The following BCAS3 variants were observed in gnomAD, a reference collection of about 807,000 sequenced individuals.
BCAS3 encodes BCAS3 microtubule associated cell migration factor.
A neutral mutation model predicts 116.1 loss-of-function variants in BCAS3; 53 were observed. That is an observed-to-expected ratio of 0.46 (90% CI 0.37 to 0.57). BCAS3 has a LOEUF of 0.57. Ranked by LOEUF, BCAS3 falls within the 20% of genes least tolerant of loss-of-function variation. The pLI is 0.00. For synonymous variants in BCAS3, 391 were observed against 408.2 expected (o/e 0.96, Z 0.51); for missense variants, 917 against 1,165.4 (o/e 0.79, Z 3.10).
chr17:61,036,494 G>C (rs2067043895), intron 17 of BCAS3: 1 of 151,968 alleles, frequency 6.6e-6, no homozygotes, highest in Non-Finnish European at 1.5e-5. Context: ...AGGACTTTTT[G>C]TTACTAGTTA....
chr17:61,109,748 T>C (rs1318005543), intron 22 of BCAS3, among the ~76,000 whole-genome samples: 3 of 152,346 alleles, frequency 2.0e-5, no homozygotes, highest in Non-Finnish European at 2.9e-5. Flanking sequence ...CTTTTGAGAA[T>C]TGTCTTTTCA....
Position 61,208,497 on chromosome 17 carries a change from C to T in BCAS3, c.2425+123933C>T, listed in dbSNP as rs1212902699. Among the ~76,000 whole-genome samples the T allele has an allele frequency of 1.3e-5, 2 of 152,168 alleles. No individual in the cohort carries two copies. The highest frequency in any genetic ancestry group is 1.3e-4 in the Admixed American group (2 of 15,272). Reference sequence around the variant, plus strand: ...TGTTGTGGACATTTCTTGTCCATAACAGCTTGAGTTTAACTCGAATCTCAT... The same window carrying T: ...TGTTGTGGACATTTCTTGTCCATAATAGCTTGAGTTTAACTCGAATCTCAT... On this transcript the variant is annotated intron_variant, in intron 22 of 23. Transcript: ENST00000407086. This position sits in a 1 kb window ranked among gnomAD's most constrained non-coding sequence, Gnocchi z 4.5.
rs1324489518 is a variant in BCAS3, at chr17:61,082,717, G to A, written c.2328-1750G>A. ...TCTCTTTTCTAACTGGCCCACATTA[G>A]CTTAGGCTTACCTATCCCCTAACTA... On this transcript the variant is annotated intron_variant, in intron 21 of 23. Transcript: ENST00000407086. This position sits in a 1 kb window ranked among gnomAD's most constrained non-coding sequence, Gnocchi z 5.1. Among the ~76,000 whole-genome samples the A allele has an allele frequency of 1.3e-5, 2 of 152,152 alleles. No homozygotes were observed. Among genetic ancestry groups the A allele is most frequent in the African/African-American group, 2.4e-5 (1 of 41,442 alleles).
intron 22 of BCAS3, among the ~76,000 whole-genome samples, chr17:61,272,748 A>G (rs962704836): frequency 6.6e-5 from 10 of 150,726 alleles, no homozygotes; most frequent in African/African-American, 2.4e-4. Context: ...CAGGCTATCC[A>G]TAACTAGATC....
At chr17:60,846,394 C>T (rs1206001200) in intron 7 of BCAS3, among the ~76,000 whole-genome samples, 1 of 152,140 alleles carries the variant, frequency 6.6e-6, no homozygotes, top group African/African-American at 2.4e-5. Flanking sequence ...GGCTCAAAAC[C>T]TCAATGTTGA....
intron 12 of BCAS3, among the ~76,000 whole-genome samples, chr17:60,911,536 G>GGTCTGTCCGCCTTC (rs2058512535): frequency 6.6e-6 from 1 of 152,164 alleles, no homozygotes; most frequent in Non-Finnish European, 1.5e-5. Context: ...GACCTCAAGT[G>GGTCTGTCCGCCTTC]ATCTGTCCGC....
rs2074133806 is a variant in BCAS3 at position 61,098,826 on chromosome 17, T to G, written c.2425+14262T>G. Among the ~76,000 whole-genome samples the G allele has an allele frequency of 6.6e-6, 1 of 151,692 alleles. No individual in the cohort carries two copies. Among genetic ancestry groups the G allele is most frequent in the Admixed American group, 6.6e-5 (1 of 15,218 alleles). On this transcript the variant is annotated intron_variant, in intron 22 of 23. Coordinates refer to ENST00000407086, the MANE Select transcript of BCAS3 (RefSeq NM_017679.5). This position sits in a 1 kb window ranked among gnomAD's most constrained non-coding sequence, Gnocchi z 4.2. ...CCTGATTGTTCTGTTACTGCTTGGC[T>G]TAAGATACCCCTGGATGGGCTGGGT...
chr17:60,685,304 C>G (rs1254613277), intron 3 of BCAS3, among the ~76,000 whole-genome samples: 1 of 151,932 alleles, frequency 6.6e-6, no homozygotes, highest in East Asian at 1.9e-4. Context: ...CAAAAATTAG[C>G]CGGGTGTGGT....
At chr17:61,089,704 G>A (rs1025050921) in intron 22 of BCAS3, among the ~76,000 whole-genome samples, 6 of 151,286 alleles carry the variant, frequency 4.0e-5, no homozygotes, top group Admixed American at 4.0e-4. Flanking sequence ...CTAATTTTTT[G>A]TATTTTTAGT....
chr17:60,786,140 C>A (rs2046267369), intron 6 of BCAS3, among the ~76,000 whole-genome samples: 2 of 152,130 alleles, frequency 1.3e-5, no homozygotes, highest in South Asian at 2.1e-4. Context: ...GATTGAATTA[C>A]CACGGATAAA....
chr17:60,827,750 CT>C (rs142636700), intron 7 of BCAS3, among the ~76,000 whole-genome samples: 35,049 of 151,972 alleles, frequency 0.23, 5,613 homozygotes, highest in African/African-American at 0.46. Flanking sequence ...GTTCCTCCCC[CT>C]GTAGAAGAAG....
chr17:61,308,564 A>C (rs1461958586), intron 22 of BCAS3, among the ~76,000 whole-genome samples: 1 of 151,926 alleles, frequency 6.6e-6, no homozygotes, highest in Non-Finnish European at 1.5e-5. Flanking sequence ...AGTAAGACAA[A>C]AGGCAGCGTG....
At chr17:61,273,256 G>A (rs746889226) in intron 22 of BCAS3, among the ~76,000 whole-genome samples, 2 of 151,598 alleles carry the variant, frequency 1.3e-5, no homozygotes, top group Admixed American at 6.6e-5. Context: ...CTACAGGCGC[G>A]CACCACCACC....
chr17:61,384,835 G>A (rs1014091019), intron 23 of BCAS3, among the ~76,000 whole-genome samples: 1 of 152,208 alleles, frequency 6.6e-6, no homozygotes, highest in African/African-American at 2.4e-5. Flanking sequence ...CCCCTGGTCT[G>A]TGGGCCTGGC....
intron 7 of BCAS3, among the ~76,000 whole-genome samples, chr17:60,852,512 G>A (rs1056577529): frequency 6.6e-6 from 1 of 152,144 alleles, no homozygotes; most frequent in Non-Finnish European, 1.5e-5. Context: ...AAGCTGGAAA[G>A]TCACTGGAAT....
At chr17:61,137,598 GTC>G (rs2076711484) in intron 22 of BCAS3, among the ~76,000 whole-genome samples, 1 of 151,692 alleles carries the variant, frequency 6.6e-6, no homozygotes, top group Admixed American at 6.6e-5. Context: ...ATGAAACCCT[GTC>G]TCTACTAAAA....
In BCAS3 at chr17:61,261,438, G is replaced by GT. The variant is rs893806512; in HGVS notation, c.2426-106881dup. ...TTCAAGGCTCAAAACAGCTTGTAAA[G>GT]TTTTTTTTATCATTCCTTTCCAGAT... On this transcript the variant is annotated intron_variant, in intron 22 of 23. Coordinates refer to ENST00000407086, the MANE Select transcript of BCAS3 (RefSeq NM_017679.5). This position sits in a 1 kb window ranked among gnomAD's most constrained non-coding sequence, Gnocchi z 4.4. Among the ~76,000 whole-genome samples, 70 of 152,112 alleles carry GT rather than the reference G, an allele frequency of 4.6e-4. No homozygotes were observed. Among genetic ancestry groups the GT allele is most frequent in the African/African-American group, 1.7e-3 (69 of 41,502 alleles).
At chr17:61,267,828 T>C (rs2049880942) in intron 22 of BCAS3, among the ~76,000 whole-genome samples, 1 of 151,980 alleles carries the variant, frequency 6.6e-6, no homozygotes, top group South Asian at 2.1e-4. Context: ...GACCATGTGA[T>C]CTGCAACATG....
chr17:61,185,188 C>T (rs1308131638), intron 22 of BCAS3, among the ~76,000 whole-genome samples: 1 of 151,936 alleles, frequency 6.6e-6, no homozygotes, highest in Non-Finnish European at 1.5e-5. Context: ...ATCAACTTGC[C>T]AATGCAAACC....
Sources: allele counts gnomAD v4.1 joint callset (sites outside exome capture counted in the v4.1 genomes callset), GRCh38; gene constraint gnomAD v4.1.1; non-coding constraint Gnocchi (gnomAD v3.1); transcripts MANE v1.5; gene names NCBI Gene and HGNC (gene_info 2026-07-23, HGNC 2026-07-21).